HDAC9: variants seen among roughly 807,000 people sequenced by gnomAD.
The protein encoded by HDAC9 is MEF-2 interacting transcription repressor (MITR) protein.
HDAC9 carries 41 observed loss-of-function variants against 139.4 expected under a neutral mutation model. The ratio of observed to expected loss-of-function variants is 0.29; its 90% CI spans 0.23 to 0.38. The LOEUF (loss-of-function observed/expected upper bound fraction) is 0.38. HDAC9 is among the 10% of genes least tolerant of loss of function. The pLI, the probability that HDAC9 is intolerant of heterozygous loss-of-function variation, is 1.00. For missense variants in HDAC9, 1,147 were observed against 1,297.0 expected (o/e 0.88, Z 1.78); for synonymous variants, 517 against 476.2 (o/e 1.09, Z -1.12).
rs555436452 is a variant in HDAC9, at chr7:18,696,173, A to G, written c.1731+29697A>G. ...CACTAATAGGATACATTTATATAGT[A>G]TTCCAAAATGGTGGCTTCTTTAAAC... On this transcript the variant is annotated intron_variant, in intron 12 of 25. Coordinates refer to ENST00000686413, the MANE Select transcript of HDAC9 (RefSeq NM_178425.4). Among the ~76,000 whole-genome samples the G allele has an allele frequency of 2.6e-5, 4 of 152,090 alleles. No homozygotes were observed. The East Asian group carries it at 7.7e-4, about 29-fold the overall frequency.
At chr7:18,953,236 A>C (rs1409619885) in intron 23 of HDAC9, among the ~76,000 whole-genome samples, 1 of 152,056 alleles carries the variant, frequency 6.6e-6, no homozygotes, top group African/African-American at 2.4e-5. Context: ...GTTTCTAGGA[A>C]AACTACTTTT....
intron 22 of HDAC9, among the ~76,000 whole-genome samples, chr7:18,919,031 A>G (rs1355880400): frequency 6.6e-6 from 1 of 152,072 alleles, no homozygotes; most frequent in South Asian, 2.1e-4. Flanking sequence ...GGTAATTACA[A>G]CATAGAAAAC....
At chr7:18,455,359 C>T (rs1793246329) in intron 1 of HDAC9, among the ~76,000 whole-genome samples, 1 of 152,012 alleles carries the variant, frequency 6.6e-6, no homozygotes, top group South Asian at 2.1e-4. Context: ...ATCCTTGTCC[C>T]TTTTTCTCAT....
chr7:18,175,063 G>A (rs181565055), intron 2 of HDAC9, among the ~76,000 whole-genome samples: 54 of 152,308 alleles, frequency 3.5e-4, no homozygotes, highest in Admixed American at 2.9e-3. Context: ...GCCCCTAGAG[G>A]TGGAGTCTAC....
At chr7:18,260,406 C>T (rs569803612) in intron 2 of HDAC9, 22 of 151,162 alleles carry the variant, frequency 1.5e-4, no homozygotes, top group Admixed American at 9.9e-4. Context: ...GCAAGCTCCA[C>T]CACCTGGATT....
intron 24 of HDAC9, among the ~76,000 whole-genome samples, chr7:18,975,366 A>G (rs1045645033): frequency 3.3e-5 from 5 of 152,200 alleles, no homozygotes; most frequent in African/African-American, 1.2e-4. Context: ...CTTTTTCTTT[A>G]ATATTCCAAC....
intron 12 of HDAC9, among the ~76,000 whole-genome samples, chr7:18,695,183 G>A (rs1782952676): frequency 6.6e-6 from 1 of 152,122 alleles, no homozygotes; most frequent in Non-Finnish European, 1.5e-5. Flanking sequence ...GGCTAACAGG[G>A]CAAAAATGAT....
intron 2 of HDAC9, among the ~76,000 whole-genome samples, chr7:18,278,934 T>C (rs1011469351): frequency 6.6e-6 from 1 of 152,236 alleles, no homozygotes; most frequent in African/African-American, 2.4e-5. Context: ...GTAGGTACTC[T>C]GTTCTGAAAG....
At chr7:18,387,212 G>C (rs1786020802) in intron 1 of HDAC9, among the ~76,000 whole-genome samples, 1 of 152,136 alleles carries the variant, frequency 6.6e-6, no homozygotes, top group African/African-American at 2.4e-5. Flanking sequence ...TGGATCAAGG[G>C]GGGAATCTAC....
chr7:18,885,334 C>T (rs1800059432), intron 22 of HDAC9, among the ~76,000 whole-genome samples: 2 of 152,192 alleles, frequency 1.3e-5, no homozygotes, highest in Non-Finnish European at 2.9e-5. Flanking sequence ...ATAATACCTG[C>T]CAGTGATGTT....
intron 21 of HDAC9, among the ~76,000 whole-genome samples, chr7:18,850,632 G>C (rs1189686621): frequency 6.6e-6 from 1 of 152,166 alleles, no homozygotes; most frequent in Non-Finnish European, 1.5e-5. Context: ...CACATGTCTA[G>C]AATAGAGGCT....
intron 1 of HDAC9, among the ~76,000 whole-genome samples, chr7:18,444,320 T>C (rs1379877981): frequency 8.2e-6 from 1 of 122,512 alleles, no homozygotes; most frequent in African/African-American, 3.3e-5. Context: ...ACAGCCTAGG[T>C]GACAGAGTGA....
At chr7:18,547,329 G>A (rs1030430097) in intron 2 of HDAC9, among the ~76,000 whole-genome samples, 6 of 152,246 alleles carry the variant, frequency 3.9e-5, no homozygotes, top group South Asian at 2.1e-4. Flanking sequence ...TCTGCCTCCC[G>A]GGTTCAGGCC....
chr7:18,099,894 T>C (rs530353430), intron 1 of HDAC9, among the ~76,000 whole-genome samples: 34 of 152,352 alleles, frequency 2.2e-4, no homozygotes, highest in Non-Finnish European at 3.8e-4. Flanking sequence ...CAGAAATCTT[T>C]TGTATTTACT....
intron 1 of HDAC9, among the ~76,000 whole-genome samples, chr7:18,305,862 G>A (rs976728212): frequency 6.6e-6 from 1 of 152,012 alleles, no homozygotes; most frequent in Admixed American, 6.6e-5. Flanking sequence ...GAATGGGTTG[G>A]TGAAGGGAAG....
intron 21 of HDAC9, among the ~76,000 whole-genome samples, chr7:18,872,079 A>G (rs988377847): frequency 1.3e-5 from 2 of 152,178 alleles, no homozygotes; most frequent in Non-Finnish European, 2.9e-5. Context: ...GCATTGCAGC[A>G]TGATGCCTCT....
At chr7:18,522,139 A>C (rs938654869) in intron 2 of HDAC9, among the ~76,000 whole-genome samples, 2 of 152,188 alleles carry the variant, frequency 1.3e-5, no homozygotes, top group Non-Finnish European at 1.5e-5. Flanking sequence ...TGTGTTATGC[A>C]TATATTACAG....
chr7:18,132,785 A>G (rs1257697472), intron 1 of HDAC9, among the ~76,000 whole-genome samples: 2 of 152,170 alleles, frequency 1.3e-5, no homozygotes, highest in African/African-American at 4.8e-5. Flanking sequence ...AGTTGGGCCT[A>G]GATTGGTTTT....
intron 2 of HDAC9, among the ~76,000 whole-genome samples, chr7:18,236,623 A>G (rs145699366): frequency 6.6e-6 from 1 of 152,300 alleles, no homozygotes; most frequent in Non-Finnish European, 1.5e-5. Flanking sequence ...CTCTGGATGC[A>G]CTTGCAATTT....
Sources: allele counts gnomAD v4.1 joint callset (sites outside exome capture counted in the v4.1 genomes callset), GRCh38; gene constraint gnomAD v4.1.1; transcripts MANE v1.5; gene names NCBI Gene and HGNC (gene_info 2026-07-23, HGNC 2026-07-21).